The following ANGPT2 variants were observed in gnomAD, a reference collection of about 807,000 sequenced individuals.
ANGPT2 encodes angiopoietin 2.
In ANGPT2, 28 loss-of-function variants were observed where a neutral mutation model predicts 62.9. The ratio of observed to expected loss-of-function variants is 0.44; its 90% CI spans 0.33 to 0.61. The LOEUF is 0.61. Among genes scored for constraint, ANGPT2 ranks in the 20% least tolerant of loss-of-function variants. The pLI is 0.03. For synonymous variants in ANGPT2, 284 were observed against 207.8 expected (o/e 1.37, Z -3.15); for missense variants, 727 against 594.9 (o/e 1.22, Z -2.31).
chr8:6,499,999 G>C lies in ANGPT2; in HGVS notation c.*3102C>G. 1 of 1,358,100 alleles carries C rather than the reference G, an allele frequency of 7.4e-7. No homozygotes were observed. Among genetic ancestry groups the C allele is most frequent in the Non-Finnish European group, 1.1e-6 (1 of 948,460 alleles). 84.1% of individuals were successfully genotyped at this position (1,358,100 alleles called of 1,614,324 possible). A position where few individuals can be genotyped will look rare whatever the true frequency, so the allele number is the denominator to read the frequency against. ...CTCAAGAAATTATTATAAACATAAG[G>C]GTGGACTTAAGTTTTTATCCAGTCA... On this transcript the variant is annotated 3_prime_UTR_variant, in exon 9 of 9. Transcript: ENST00000629816.
intron 1 of ANGPT2, among the ~76,000 whole-genome samples, chr8:6,545,079 AC>A (rs931139978): frequency 4.6e-5 from 7 of 152,156 alleles, no homozygotes; most frequent in Admixed American, 3.9e-4. Flanking sequence ...CAGAAGCCAC[AC>A]CCTAGGAGTG....
chr8:6,505,364 TATAGAA>T (rs1813275344), intron 8 of ANGPT2, among the ~76,000 whole-genome samples: 3 of 79,360 alleles, frequency 3.8e-5, no homozygotes, highest in African/African-American at 1.6e-4. Flanking sequence ...TCTATATGTA[TATAGAA>T]TATATATATT....
At chr8:6,556,791 G>T (rs903370627) in intron 1 of ANGPT2, among the ~76,000 whole-genome samples, 1 of 151,966 alleles carries the variant, frequency 6.6e-6, no homozygotes, top group African/African-American at 2.4e-5. Context: ...GTCTCACTCT[G>T]TTGACCAGGC....
chr8:6,502,980 C>CA lies in ANGPT2; in HGVS notation c.*120dup, dbSNP rs1347627733. On this transcript the variant is annotated 3_prime_UTR_variant, in exon 9 of 9. Transcript: ENST00000629816. ...CTAATCTGGAGCATGTGGGTCCCGT[C>CA]AGCACCGAGCACACGCCCTCTGTGG... is the stretch of plus-strand genomic sequence containing the variant. The CA allele has an allele frequency of 2.5e-6, 3 of 1,196,142 alleles. No homozygotes were observed. Among genetic ancestry groups the CA allele is most frequent in the African/African-American group, 1.5e-5 (1 of 65,680 alleles). 74.1% of individuals were successfully genotyped at this position (1,196,142 alleles called of 1,614,324 possible).
intron 1 of ANGPT2, among the ~76,000 whole-genome samples, chr8:6,534,433 C>A (rs1355991954): frequency 6.6e-6 from 1 of 152,046 alleles, no homozygotes; most frequent in African/African-American, 2.4e-5. Context: ...ATCAGTCCCC[C>A]ACAGACATCA....
chr8:6,562,639 T>C lies in ANGPT2; in HGVS notation c.288+8A>G. On this transcript the variant is annotated splice_region_variant and intron_variant, in intron 1 of 8. Transcript: ENST00000629816. ...ATGTTCACAAAGACAGATGGATTTT[T>C]TTCCTACCTTCATTAGCCACTGAGT... 1 of 1,370,714 alleles carries C rather than the reference T, an allele frequency of 7.3e-7. No homozygotes were observed. The highest frequency in any genetic ancestry group is 9.8e-7 in the Non-Finnish European group (1 of 1,022,166). 84.9% of individuals were successfully genotyped at this position (1,370,714 alleles called of 1,614,324 possible).
intron 8 of ANGPT2, 103 bp downstream of exon 8, chr8:6,508,829 G>A: frequency 6.7e-7 from 1 of 1,496,118 alleles, no homozygotes; most frequent in Non-Finnish European, 9.3e-7. Context: ...ATGAAATTGT[G>A]GACATCGTTA....
intron 8 of ANGPT2, 59 bp downstream of exon 8, chr8:6,508,873 T>A: frequency 6.2e-7 from 1 of 1,611,778 alleles, no homozygotes; most frequent in Non-Finnish European, 8.5e-7. Flanking sequence ...TTGCCAGCCT[T>A]TCCCTCTATG....
At chr8:6,541,234 T>A (rs1310526550) in intron 1 of ANGPT2, among the ~76,000 whole-genome samples, 1 of 152,174 alleles carries the variant, frequency 6.6e-6, no homozygotes, top group East Asian at 1.9e-4. Flanking sequence ...CAGCAGGGGA[T>A]GCTTTGAGGC....
At chr8:6,551,000 C>A (rs1016788065) in intron 1 of ANGPT2, among the ~76,000 whole-genome samples, 1 of 152,168 alleles carries the variant, frequency 6.6e-6, no homozygotes, top group African/African-American at 2.4e-5. Context: ...CTACAAGAAC[C>A]CTGTAGACTT....
At chr8:6,523,609 T>G (rs569549017) in intron 3 of ANGPT2, among the ~76,000 whole-genome samples, 20 of 150,494 alleles carry the variant, frequency 1.3e-4, no homozygotes, top group Non-Finnish European at 3.0e-4. Context: ...TGAGATGGAG[T>G]CTCGGAGTCT....
At chr8:6,508,870 C>G (rs764112777) in intron 8 of ANGPT2, 62 bp downstream of exon 8, 8 of 1,610,584 alleles carry the variant, frequency 5.0e-6, no homozygotes, top group Non-Finnish European at 5.9e-6. Flanking sequence ...AAATTGCCAG[C>G]CTTTCCCTCT....
In ANGPT2 at chr8:6,522,349, C is replaced by T. The variant is rs1307557580; in HGVS notation, c.567-939G>A. On this transcript the variant is annotated intron_variant, in intron 3 of 8. Transcript: ENST00000629816. ...CAGCCTGGGCGACAGAGCGAGACTC[C>T]GTCTCAAAAAAAAAGAAAAAAAAAT... 2.7e-5 allele frequency among the ~76,000 whole-genome samples: 4 copies of T among 149,788 alleles called. No individual in the cohort carries two copies. The South Asian group carries it at 6.4e-4, about 24-fold the overall frequency.
rs151182018 is a variant in ANGPT2, at chr8:6,562,755, G to A, written c.180C>T (p.Tyr60=). 8.1e-6 allele frequency: 13 copies of A among 1,613,794 alleles called. No homozygotes were observed. Among genetic ancestry groups the A allele is most frequent in the African/African-American group, 5.3e-5 (4 of 74,800 alleles). The change falls in exon 1 of 9, where the codon TAC becomes TAT. Residue 60 remains tyrosine (Y), a synonymous_variant. Coordinates refer to ENST00000629816, the MANE Select transcript of ANGPT2 (RefSeq NM_001118887.2). ...MDNCRSSSSP[Y]VSNAVQRDAP... is the part of the protein sequence containing the mutation. ...CGTCCCTCTGCACAGCATTGGACAC[G>A]TAGGGGCTGGAGGAAGAGCGGCAGT...
At chr8:6,525,817 G>T (rs1262353276) in intron 3 of ANGPT2, among the ~76,000 whole-genome samples, 4 of 152,214 alleles carry the variant, frequency 2.6e-5, no homozygotes, top group African/African-American at 7.2e-5. Context: ...TTCTACAGCT[G>T]ATGAGAAAAA....
intron 8 of ANGPT2, among the ~76,000 whole-genome samples, chr8:6,506,559 G>A (rs996358855): frequency 1.3e-5 from 2 of 152,182 alleles, no homozygotes; most frequent in African/African-American, 4.8e-5. Context: ...GTGGGGAAAT[G>A]GTAGACAGGA....
At chr8:6,558,820 G>T (rs1260444534) in intron 1 of ANGPT2, among the ~76,000 whole-genome samples, 2 of 151,870 alleles carry the variant, frequency 1.3e-5, no homozygotes, top group South Asian at 4.2e-4. Context: ...TATGATATAT[G>T]TATAATATAT....
intron 8 of ANGPT2, 113 bp downstream of exon 8, chr8:6,508,819 A>G: frequency 6.9e-7 from 1 of 1,441,474 alleles, no homozygotes. Context: ...GTGTCTACGT[A>G]TGAAATTGTG....
At chr8:6,524,677 G>T (rs532032290) in intron 3 of ANGPT2, among the ~76,000 whole-genome samples, 1 of 152,342 alleles carries the variant, frequency 6.6e-6, no homozygotes, top group Non-Finnish European at 1.5e-5. Context: ...TAAGCCTGCG[G>T]AAATTTAGAT....
Sources: gnomAD v4.1 joint callset for allele counts (sites outside exome capture counted in the v4.1 genomes callset) on GRCh38, gnomAD v4.1.1 for gene constraint, MANE v1.5 for transcripts, NCBI Gene and HGNC (gene_info 2026-07-23, HGNC 2026-07-21) for gene names.